CLNK: variants seen among roughly 807,000 people sequenced by gnomAD.
CLNK encodes the protein cytokine-dependent hematopoietic cell linker.
In CLNK, 74 loss-of-function variants were observed where a neutral mutation model predicts 68.6. The ratio of observed to expected loss-of-function variants is 1.08; its 90% confidence interval spans 0.89 to 1.31. The LOEUF is 1.31. Ranked by LOEUF, CLNK falls within the 50% of genes most tolerant of loss-of-function variation. The pLI is 0.00. For synonymous variants in CLNK, 198 were observed against 172.2 expected (o/e 1.15, Z -1.17); for missense variants, 553 against 515.3 (o/e 1.07, Z -0.71).
chr4:10,708,914 A>G, the CLNK span, among the ~76,000 whole-genome samples: 2 of 152,334 alleles, frequency 1.3e-5, no homozygotes, highest in East Asian at 3.9e-4. Flanking sequence ...GACTACTTCT[A>G]TGATTACGCT....
At chr4:10,541,150 G>A (rs943725355) in intron 10 of CLNK, among the ~76,000 whole-genome samples, 4 of 142,252 alleles carry the variant, frequency 2.8e-5, no homozygotes, top group Non-Finnish European at 4.5e-5. Flanking sequence ...GGAGGCAAAT[G>A]TTGCAGTGAG....
intron 17 of CLNK, 111 bp downstream of exon 17, chr4:10,507,847 TG>T (rs1241198873): frequency 1.3e-6 from 1 of 753,096 alleles, no homozygotes; most frequent in Non-Finnish European, 2.2e-6. Context: ...TGCAGGGTGA[TG>T]CAGGAAATAA....
chr4:10,594,864 G>A (rs112561062), intron 3 of CLNK, among the ~76,000 whole-genome samples: 2 of 152,188 alleles, frequency 1.3e-5, no homozygotes, highest in African/African-American at 4.8e-5. Context: ...GGAGGCCAAG[G>A]CGGGCAGATC....
chr4:10,582,233 A>T (rs1720808349), intron 4 of CLNK, among the ~76,000 whole-genome samples: 2 of 152,318 alleles, frequency 1.3e-5, no homozygotes, highest in South Asian at 4.1e-4. Context: ...AAATTAATAC[A>T]GGCATTGCAG....
intron 2 of CLNK, among the ~76,000 whole-genome samples, chr4:10,646,718 C>A (rs1723526683): frequency 6.6e-6 from 1 of 151,930 alleles, no homozygotes; most frequent in Admixed American, 6.6e-5. Flanking sequence ...TAAGCCTGAA[C>A]ATAATCATGG....
At position 10,501,183 on chromosome 4, in the gene CLNK, G is replaced by T. The variant is rs916250489; in HGVS notation, c.1140+73C>A. 4 of 1,440,988 alleles carry T rather than the reference G, an allele frequency of 2.8e-6. No individual in the cohort carries two copies. The African/African-American group carries it at 5.8e-5, about 21-fold the overall frequency. The allele number at this position is 1,440,988 out of a possible 1,614,324, so 89.3% of individuals were successfully genotyped here. A position where few individuals can be genotyped will look rare whatever the true frequency, so the allele number is the denominator to read the frequency against. ...CAGGGCGGCATCCTCTTCCTCCAGGGTGACATCCCCCAAACTCTTCCTTTA... is the reference window on the plus strand; with the variant it reads ...CAGGGCGGCATCCTCTTCCTCCAGGTTGACATCCCCCAAACTCTTCCTTTA... On this transcript the variant is annotated intron_variant, in intron 18 of 18. Coordinates refer to ENST00000226951, the MANE Select transcript of CLNK (RefSeq NM_052964.4).
rs373786543 is a variant in CLNK at position 10,598,003 on chromosome 4, G to A, written c.58C>T (p.Gln20Ter). The A allele has an allele frequency of 1.0e-5, 16 of 1,587,816 alleles. No homozygotes were observed. In the South Asian group the frequency reaches 1.7e-4, roughly 17 times the overall value. The change falls in exon 3 of 19, where the codon CAG becomes TAG. Residue 20 changes from glutamine to a stop codon, truncating the protein, a stop_gained. Coordinates refer to ENST00000226951, the MANE Select transcript of CLNK (RefSeq NM_052964.4). LOFTEE classifies it high-confidence loss of function. ...CTGTTTTTTGGCAGACTGAAGTTCT[G>A]GAATTTCAAATCGTTGGATCCTTCT... is the stretch of plus-strand genomic sequence containing the variant. ...TKEGSNDLKFQNFSLPKNRSW... is the reference protein window; with the variant it reads ...TKEGSNDLKF
chr4:10,598,518 A>T (rs1721468492), intron 2 of CLNK, among the ~76,000 whole-genome samples: 1 of 152,248 alleles, frequency 6.6e-6, no homozygotes, highest in South Asian at 2.1e-4. Flanking sequence ...ATTTCATAAA[A>T]ATCTAGCAAA....
the CLNK span, among the ~76,000 whole-genome samples, chr4:10,718,495 A>C: frequency 1.3e-5 from 2 of 149,390 alleles, no homozygotes; most frequent in African/African-American, 5.0e-5. Flanking sequence ...AATATTTTTT[A>C]AGTCCTGAAG....
At position 10,507,983 on chromosome 4, in the gene CLNK, T is replaced by C. The variant is rs868346876; in HGVS notation, c.960A>G (p.Glu320=). The C allele has an allele frequency of 2.5e-6, 4 of 1,610,140 alleles. No homozygotes were observed. The highest frequency in any genetic ancestry group is 3.3e-4 in the Middle Eastern group (2 of 6,078). The change falls in exon 17 of 19, where the codon GAA becomes GAG. Residue 320 remains glutamate (E), a synonymous_variant. Coordinates refer to ENST00000226951, the MANE Select transcript of CLNK (RefSeq NM_052964.4). ...YIGEYSRQAV[E]EAFMKENKDG... ...CCTTGTTCTCCTTCATGAATGCCTCTTCCACTGCCTGGCGGCTGTATTCTC... is the reference window on the plus strand; with the variant it reads ...CCTTGTTCTCCTTCATGAATGCCTCCTCCACTGCCTGGCGGCTGTATTCTC...
the CLNK span, among the ~76,000 whole-genome samples, chr4:10,699,890 T>C: frequency 2.0e-5 from 3 of 152,168 alleles, no homozygotes; most frequent in African/African-American, 7.2e-5. Flanking sequence ...ATAGTTCTTA[T>C]ACTGTATTTT....
At chr4:10,625,403 T>C (rs1722627483) in intron 2 of CLNK, among the ~76,000 whole-genome samples, 1 of 152,246 alleles carries the variant, frequency 6.6e-6, no homozygotes, top group Non-Finnish European at 1.5e-5. Flanking sequence ...TGCCCTGAGC[T>C]TGGCCCTTCT....
intron 1 of CLNK, among the ~76,000 whole-genome samples, chr4:10,676,393 CTTTT>C (rs33954033): frequency 3.0e-5 from 4 of 134,350 alleles, no homozygotes. Flanking sequence ...TTATAGATTT[CTTTT>C]TTTTTTTTTT....
chr4:10,634,115 A>G (rs907961439), intron 2 of CLNK, among the ~76,000 whole-genome samples: 3 of 152,186 alleles, frequency 2.0e-5, no homozygotes, highest in African/African-American at 4.8e-5. Context: ...CCCTTGGATA[A>G]TACTTGCATT....
intron 2 of CLNK, among the ~76,000 whole-genome samples, chr4:10,604,775 T>G (rs1321443807): frequency 6.6e-6 from 1 of 152,186 alleles, no homozygotes; most frequent in African/African-American, 2.4e-5. Flanking sequence ...ATGAGATGTT[T>G]TAATCACTAC....
chr4:10,706,157 G>A, the CLNK span, among the ~76,000 whole-genome samples: 1 of 152,322 alleles, frequency 6.6e-6, no homozygotes, highest in South Asian at 2.1e-4. Context: ...AGGGAATGTG[G>A]GAATAGGTGT....
At chr4:10,713,849 C>T in the CLNK span, among the ~76,000 whole-genome samples, 1 of 152,144 alleles carries the variant, frequency 6.6e-6, no homozygotes. Context: ...GAATCATGTG[C>T]CAAATAGACC....
intron 2 of CLNK, among the ~76,000 whole-genome samples, chr4:10,608,270 C>A (rs1413750182): frequency 6.6e-6 from 1 of 152,242 alleles, no homozygotes; most frequent in Non-Finnish European, 1.5e-5. Context: ...AACTGAACTT[C>A]CTGCTCAGCT....
intron 3 of CLNK, among the ~76,000 whole-genome samples, chr4:10,588,597 G>T (rs1316571738): frequency 6.6e-6 from 1 of 152,138 alleles, no homozygotes; most frequent in Non-Finnish European, 1.5e-5. Flanking sequence ...TGTTGTTGTT[G>T]TCTGTTCAAC....
Sources: gnomAD v4.1 joint callset for allele counts (sites outside exome capture counted in the v4.1 genomes callset) on GRCh38, gnomAD v4.1.1 for gene constraint, MANE v1.5 for transcripts, NCBI Gene and HGNC (gene_info 2026-07-23, HGNC 2026-07-21) for gene names.